The following MATR3 variants were observed in gnomAD, a reference collection of about 807,000 sequenced individuals.
The protein encoded by MATR3 is matrin-3.
A neutral mutation model predicts 85.5 loss-of-function variants in MATR3; 4 were observed. The ratio of observed to expected loss-of-function variants is 0.05; its 90% CI spans 0.02 to 0.11. The LOEUF (loss-of-function observed/expected upper bound fraction) is 0.11, where lower values mean the gene tolerates loss of function less well. Ranked by LOEUF, MATR3 falls within the 10% of genes least tolerant of loss-of-function variation. The probability of loss-of-function intolerance (pLI) is 1.00; values close to 1 mark genes in which losing one functional copy is unlikely to be tolerated. For missense variants in MATR3, 685 were observed against 1,016.1 expected, an observed-to-expected ratio of 0.67 and a Z score of 4.43; for synonymous variants, 336 against 343.1, an observed-to-expected ratio of 0.98 and a Z score of 0.23.
chr5:139,321,889 C>T lies in MATR3; in HGVS notation c.1603-9C>T, dbSNP rs188764121. ...ATGTGCTTTGTGGTTTCTTTTCTTT[C>T]TTTTTAAGGCTTTTATTGAGATGGA... On this transcript the variant is annotated splice_polypyrimidine_tract_variant and intron_variant, in intron 9 of 14. Coordinates refer to ENST00000394805, the MANE Select transcript of MATR3 (RefSeq NM_018834.6). The T allele has an allele frequency of 1.2e-6, 2 of 1,609,954 alleles. No homozygotes were observed. The highest frequency in any genetic ancestry group is 1.7e-5 in the Admixed American group (1 of 59,722).
At chr5:139,321,401 G>A (rs1399508674) in intron 9 of MATR3, among the ~76,000 whole-genome samples, 1 of 152,038 alleles carries the variant, frequency 6.6e-6, no homozygotes, top group Non-Finnish European at 1.5e-5. Flanking sequence ...TGAGCCACCC[G>A]CCTTGGCCTC....
chr5:139,301,405 C>T (rs1754432740), intron 1 of MATR3, among the ~76,000 whole-genome samples: 1 of 151,814 alleles, frequency 6.6e-6, no homozygotes, highest in Non-Finnish European at 1.5e-5. Flanking sequence ...CTGCAGCCTC[C>T]ACCTCCCGGG....
Position 139,331,227 on chromosome 5 carries a change from GTGA to G in MATR3, c.*1837_*1839del. 1 of 454,106 alleles carries G rather than the reference GTGA, an allele frequency of 2.2e-6. No homozygotes were observed. The highest frequency in any genetic ancestry group is 1.6e-5 in the South Asian group (1 of 64,478). 28.1% of individuals were successfully genotyped at this position (454,106 alleles called of 1,614,324 possible). A position where few individuals can be genotyped will look rare whatever the true frequency, so the allele number is the denominator to read the frequency against. ...TATGATCTCTCCCGTTGAAAAGTAG[GTGA>G]TGATTTTAATGTGACATGCACAAAA... is the stretch of plus-strand genomic sequence containing the variant. On this transcript the variant is annotated 3_prime_UTR_variant, in exon 15 of 15. Coordinates refer to ENST00000394805, the MANE Select transcript of MATR3 (RefSeq NM_018834.6).
chr5:139,277,367 G>A (rs760356261), intron 2 of MATR3, among the ~76,000 whole-genome samples: 1 of 152,086 alleles, frequency 6.6e-6, no homozygotes, highest in Non-Finnish European at 1.5e-5. Context: ...TGACATACTA[G>A]TTTCCACAGG....
chr5:139,307,439 ATC>A lies in MATR3; in HGVS notation c.29_30del (p.Leu10GlnfsTer2). 6.2e-7 allele frequency: 1 copy of A among 1,613,964 alleles called. No individual in the cohort carries two copies. Among genetic ancestry groups the A allele is most frequent in the Non-Finnish European group, 8.5e-7 (1 of 1,179,966 alleles). ...CAATGTCCAAGTCATTCCAGCAGTC[ATC>A]TCTCAGTAGGGACTCACAGGGTCAT... MSKSFQQSSLSRDSQGHGR... is the reference protein window; with the variant it reads MSKSFQQSXLSRDSQGHGR... On this transcript the variant is annotated frameshift_variant, in exon 2 of 15. Transcript: ENST00000394805. LOFTEE classifies it high-confidence loss of function. The surrounding 1 kb of genome is among the most constrained non-coding windows in gnomAD (Gnocchi z 4.4).
rs1432076579 is a variant in MATR3, at chr5:139,329,976, C to G, written c.*581C>G. On this transcript the variant is annotated 3_prime_UTR_variant, in exon 15 of 15. Transcript: ENST00000394805. Reference sequence around the variant, plus strand: ...GTAATAAGAAATATTAAGTAATTGGCTTTAGATTTTGTAATTTTTTTCCCT... The same window carrying G: ...GTAATAAGAAATATTAAGTAATTGGGTTTAGATTTTGTAATTTTTTTCCCT... The G allele has an allele frequency of 2.2e-6, 1 of 453,058 alleles. No individual in the cohort carries two copies. The highest frequency in any genetic ancestry group is 2.0e-5 in the African/African-American group (1 of 49,956). 28.1% of individuals were successfully genotyped at this position (453,058 alleles called of 1,614,324 possible).
rs1756047264 is a variant in MATR3, at chr5:139,329,847, T to G, written c.*452T>G. ...GCCTTGCAGACTTTCATTTGGAGTTTGAACCCGTTTTGGTTGCATTTCATT... is the reference window on the plus strand; with the variant it reads ...GCCTTGCAGACTTTCATTTGGAGTTGGAACCCGTTTTGGTTGCATTTCATT... On this transcript the variant is annotated 3_prime_UTR_variant, in exon 15 of 15. Coordinates refer to ENST00000394805, the MANE Select transcript of MATR3 (RefSeq NM_018834.6). 8.8e-6 allele frequency: 4 copies of G among 454,478 alleles called. No individual in the cohort carries two copies. The highest frequency in any genetic ancestry group is 4.0e-5 in the African/African-American group (2 of 50,020). The allele number at this position is 454,478 out of a possible 1,614,324, so 28.2% of individuals were successfully genotyped here.
chr5:139,274,171 G>C (rs772955299), intron 1 of MATR3: 2 of 415,798 alleles, frequency 4.8e-6, no homozygotes, highest in South Asian at 3.4e-5. Context: ...CGTGAGTAAG[G>C]ACCCAGAGGG....
chr5:139,302,348 G>T (rs759107701), intron 1 of MATR3, among the ~76,000 whole-genome samples: 6 of 152,120 alleles, frequency 3.9e-5, no homozygotes, highest in Non-Finnish European at 8.8e-5. Context: ...GAGAGCATAA[G>T]ATTTGAAAGT....
intron 3 of MATR3, among the ~76,000 whole-genome samples, chr5:139,280,956 G>A (rs943810579): frequency 6.6e-6 from 1 of 151,584 alleles, no homozygotes; most frequent in African/African-American, 2.4e-5. Flanking sequence ...TATCCCTGTC[G>A]ATTTTTTTTT....
At position 139,293,810 on chromosome 5, in the gene MATR3, G is replaced by T; in HGVS notation, c.-178+5G>T. ...TTCCCTCTCCCTTTCCCTAAGGTAG[G>T]CGTGAAGCGGGTAAGAGTCGGGGTC... On this transcript the variant is annotated splice_donor_5th_base_variant and intron_variant, in intron 1 of 14. Transcript: ENST00000394805. 1 of 405,800 alleles carries T rather than the reference G, an allele frequency of 2.5e-6. No homozygotes were observed. The highest frequency in any genetic ancestry group is 4.3e-6 in the Non-Finnish European group (1 of 233,212). The allele number at this position is 405,800 out of a possible 1,614,324, so 25.1% of individuals were successfully genotyped here. A position where few individuals can be genotyped will look rare whatever the true frequency, so the allele number is the denominator to read the frequency against.
chr5:139,296,243 G>A (rs1013222963), intron 1 of MATR3, among the ~76,000 whole-genome samples: 3 of 152,172 alleles, frequency 2.0e-5, no homozygotes, highest in Non-Finnish European at 4.4e-5. Context: ...TGTTGTGAAA[G>A]TGGAAATCTA....
rs193105994 is a variant in MATR3, at chr5:139,303,816, C to T, written c.-177-3423C>T. On this transcript the variant is annotated intron_variant, in intron 1 of 14. Transcript: ENST00000394805. The stretch of plus-strand genomic sequence containing the variant: ...CTTCTAAGAAATTAAAGTTAGCTTG[C>T]GCTTATTTTAGTAATTCTGCTAGAT... Among the ~76,000 whole-genome samples, 379 of 152,062 alleles carry T rather than the reference C, an allele frequency of 2.5e-3. 2 individuals are homozygous for T. Among genetic ancestry groups the T allele is most frequent in the Middle Eastern group, 0.014 (4 of 294 alleles).
At chr5:139,275,820 C>T (rs1463688361) in intron 1 of MATR3, among the ~76,000 whole-genome samples, 3 of 152,168 alleles carry the variant, frequency 2.0e-5, no homozygotes, top group Non-Finnish European at 2.9e-5. Flanking sequence ...TACCTCCATT[C>T]TACAAATGAG....
chr5:139,331,137 G>A lies in MATR3; in HGVS notation c.*1742G>A, dbSNP rs1482605728. ...AAAAAAATCTACAAAAACAGGATAG[G>A]CATTGTCTTTCAAATGTTCAGACCC... On this transcript the variant is annotated 3_prime_UTR_variant, in exon 15 of 15. Coordinates refer to ENST00000394805, the MANE Select transcript of MATR3 (RefSeq NM_018834.6). The A allele has an allele frequency of 4.4e-6, 2 of 454,076 alleles. No individual in the cohort carries two copies. The highest frequency in any genetic ancestry group is 8.8e-6 in the Non-Finnish European group (2 of 226,774). The allele number at this position is 454,076 out of a possible 1,614,324, so 28.1% of individuals were successfully genotyped here. A position where few individuals can be genotyped will look rare whatever the true frequency, so the allele number is the denominator to read the frequency against.
chr5:139,274,133 G>A (rs561562239), exon 1 of MATR3: 1 of 441,416 alleles, frequency 2.3e-6, no homozygotes, highest in African/African-American at 2.0e-5. Context: ...CGGTGCTGCT[G>A]CGCCCTGCGG....
chr5:139,329,436 TTC>T lies in MATR3; in HGVS notation c.*43_*44del. On this transcript the variant is annotated 3_prime_UTR_variant, in exon 15 of 15. Coordinates refer to ENST00000394805, the MANE Select transcript of MATR3 (RefSeq NM_018834.6). ...TTAATGATTTCAAAGAAAATAATGG[TTC>T]TTTGTTTTTAATGTTAACCTTTTTT... The T allele has an allele frequency of 1.3e-6, 2 of 1,512,200 alleles. No homozygotes were observed. The highest frequency in any genetic ancestry group is 1.8e-6 in the Non-Finnish European group (2 of 1,090,268). 93.7% of individuals were successfully genotyped at this position (1,512,200 alleles called of 1,614,324 possible).
chr5:139,314,388 A>G (rs1755142925), intron 2 of MATR3: 1 of 377,158 alleles, frequency 2.7e-6, no homozygotes, highest in Non-Finnish European at 5.1e-6. Flanking sequence ...GTTAGTTACT[A>G]CTCTTGATCT....
At chr5:139,329,020 A>G (rs1755997561) in intron 14 of MATR3, among the ~76,000 whole-genome samples, 1 of 152,102 alleles carries the variant, frequency 6.6e-6, no homozygotes, top group South Asian at 2.1e-4. Flanking sequence ...AAAAAGAATA[A>G]AAGTGCATGT....
Sources: gnomAD v4.1 joint callset for allele counts (sites outside exome capture counted in the v4.1 genomes callset) on GRCh38, gnomAD v4.1.1 for gene constraint, Gnocchi (gnomAD v3.1) non-coding constraint, MANE v1.5 for transcripts, NCBI Gene and HGNC (gene_info 2026-07-23, HGNC 2026-07-21) for gene names.